The following MECOM variants were observed in gnomAD, a reference collection of about 807,000 sequenced individuals.
MECOM encodes the protein MDS1 and EVI1 complex locus, also known as histone-lysine N-methyltransferase MECOM.
Under a neutral mutation model 116.3 loss-of-function variants are expected in MECOM, and 13 were observed. The ratio of observed to expected loss-of-function variants is 0.11; its 90% CI spans 0.07 to 0.18. The LOEUF is 0.18. Among genes scored for constraint, MECOM ranks in the 10% least tolerant of loss-of-function variants. The pLI is 1.00. For synonymous variants in MECOM, 528 were observed against 535.2 expected (o/e 0.99, Z 0.19); for missense variants, 1,299 against 1,509.0 (o/e 0.86, Z 2.31).
intron 9 of MECOM, among the ~76,000 whole-genome samples, chr3:169,109,815 T>A (rs1189351552): frequency 6.6e-6 from 1 of 152,218 alleles, no homozygotes; most frequent in Admixed American, 6.5e-5. Flanking sequence ...ATATTTTTAT[T>A]TACTGAGGTG....
chr3:169,649,895 G>A (rs1252775763), intron 1 of MECOM, among the ~76,000 whole-genome samples: 1 of 152,206 alleles, frequency 6.6e-6, no homozygotes, highest in Admixed American at 6.5e-5. Context: ...TTTGCAATCT[G>A]ATATAATCCA....
At position 169,084,122 on chromosome 3, in the gene MECOM, G is replaced by C. The variant is rs1338399729; in HGVS notation, c.*787C>G. On this transcript the variant is annotated 3_prime_UTR_variant, in exon 17 of 17. Coordinates refer to ENST00000651503, the MANE Select transcript of MECOM (RefSeq NM_004991.4). ...ATAGTTTGCCAACAAATAAATACAT[G>C]ATACACGCAACACACACAAAAAAAT... The C allele has an allele frequency of 8.6e-6, 2 of 231,646 alleles. No individual in the cohort carries two copies. The highest frequency in any genetic ancestry group is 4.4e-5 in the African/African-American group (2 of 45,364). The allele number at this position is 231,646 out of a possible 1,614,324, so 14.3% of individuals were successfully genotyped here.
In MECOM at chr3:169,281,410, A is replaced by G. The variant is rs571427191; in HGVS notation, c.375+99777T>C. Among the ~76,000 whole-genome samples, 43 of 152,340 alleles carry G rather than the reference A, an allele frequency of 2.8e-4. No homozygotes were observed. The South Asian group carries it at 8.9e-3, about 32-fold the overall frequency. ...TGAGACTGTGATAAATTGTGTGAAA[A>G]TGCTTTGTGAACTCTAAAGCATGAT... On this transcript the variant is annotated intron_variant, in intron 2 of 16. Coordinates refer to ENST00000651503, the MANE Select transcript of MECOM (RefSeq NM_004991.4).
At chr3:169,426,526 T>C (rs1485040058) in intron 1 of MECOM, among the ~76,000 whole-genome samples, 1 of 152,212 alleles carries the variant, frequency 6.6e-6, no homozygotes, top group African/African-American at 2.4e-5. Context: ...GGTGAATTAA[T>C]GTTTGCCTTC....
rs1490174560 is a variant in MECOM, at chr3:169,116,368, T to C, written c.1504A>G (p.Arg502Gly). ...PGLFPSGLYH[R>G]PPLIPASSPV... Reference sequence around the variant, plus strand: ...GAACTAGCAGGTATCAAAGGAGGCCTGTGGTACAAGCCGGAAGGAAACAGA... The same window carrying C: ...GAACTAGCAGGTATCAAAGGAGGCCCGTGGTACAAGCCGGAAGGAAACAGA... The change falls in exon 8 of 17, where the codon AGG becomes GGG. Residue 502 changes from arginine to glycine, a missense_variant. Coordinates refer to ENST00000651503, the MANE Select transcript of MECOM (RefSeq NM_004991.4). 1.9e-6 allele frequency: 3 copies of C among 1,614,184 alleles called. No homozygotes were observed. In the South Asian group the frequency reaches 3.3e-5, roughly 18 times the overall value.
At chr3:169,534,780 A>C (rs1188093596) in intron 1 of MECOM, among the ~76,000 whole-genome samples, 4 of 152,134 alleles carry the variant, frequency 2.6e-5, no homozygotes, top group Admixed American at 2.6e-4. Context: ...AGAGGAGGAA[A>C]CTGAGGAACA....
intron 1 of MECOM, among the ~76,000 whole-genome samples, chr3:169,565,413 C>T (rs967951055): frequency 6.6e-6 from 1 of 152,170 alleles, no homozygotes; most frequent in East Asian, 1.9e-4. Flanking sequence ...TCCACTGCCC[C>T]CTCCTCACTC....
At chr3:169,143,650 G>A (rs1229033287) in intron 3 of MECOM, 48 bp downstream of exon 3, 2 of 1,477,810 alleles carry the variant, frequency 1.4e-6, no homozygotes, top group Non-Finnish European at 1.8e-6. Flanking sequence ...AGGCTCCAGT[G>A]ATACTTTTGT....
At chr3:169,191,770 GAAAGAAAGAA>G (rs1559973988) in intron 2 of MECOM, among the ~76,000 whole-genome samples, 1 of 136,520 alleles carries the variant, frequency 7.3e-6, no homozygotes, top group South Asian at 2.4e-4. Flanking sequence ...AAGAAAGAAA[GAAAGAAAGAA>G]AGAAAGAAAG....
chr3:169,228,169 T>C (rs1443340203), intron 2 of MECOM, among the ~76,000 whole-genome samples: 1 of 152,178 alleles, frequency 6.6e-6, no homozygotes, highest in Non-Finnish European at 1.5e-5. Context: ...TCCTCTACTG[T>C]AGTCTGTGCC....
intron 1 of MECOM, among the ~76,000 whole-genome samples, chr3:169,573,771 C>A (rs1764189251): frequency 6.6e-6 from 1 of 152,014 alleles, no homozygotes; most frequent in African/African-American, 2.4e-5. Context: ...TCCTAGGTAC[C>A]AGTTTTTCCT....
intron 2 of MECOM, among the ~76,000 whole-genome samples, chr3:169,168,593 T>C (rs559569137): frequency 1.3e-5 from 2 of 152,250 alleles, no homozygotes; most frequent in South Asian, 2.1e-4. Context: ...AAAAGTTCTA[T>C]ATGACTCTAC....
In MECOM at chr3:169,375,787, C is replaced by T. The variant is rs143832910; in HGVS notation, c.375+5400G>A. ...TCGTACCATTACTTACAAAATTATT[C>T]CAAACAATGGAAAAAGTGGAACTCC... On this transcript the variant is annotated intron_variant, in intron 2 of 16. Transcript: ENST00000651503. Among the ~76,000 whole-genome samples, 275 of 152,184 alleles carry T rather than the reference C, an allele frequency of 1.8e-3. 4 individuals are homozygous for T. The East Asian group carries it at 0.047, about 26-fold the overall frequency.
At chr3:169,283,261 G>C (rs1017751616) in intron 2 of MECOM, among the ~76,000 whole-genome samples, 2 of 152,078 alleles carry the variant, frequency 1.3e-5, no homozygotes, top group African/African-American at 2.4e-5. Context: ...CCAGCATTTT[G>C]GGAGGCCAAG....
intron 1 of MECOM, among the ~76,000 whole-genome samples, chr3:169,547,871 G>T (rs1447793512): frequency 6.6e-6 from 1 of 152,012 alleles, no homozygotes. Context: ...AATGCCAAGG[G>T]TTGCCAGCAG....
chr3:169,472,907 T>G, intron 1 of MECOM: 1 of 911,926 alleles, frequency 1.1e-6, no homozygotes, highest in Non-Finnish European at 1.3e-6. Flanking sequence ...ATATGTCACA[T>G]GTTCTAAAAA....
intron 1 of MECOM, among the ~76,000 whole-genome samples, chr3:169,437,074 C>A (rs1266104460): frequency 1.3e-5 from 2 of 151,964 alleles, no homozygotes; most frequent in African/African-American, 2.4e-5. Flanking sequence ...TTTTATGAAC[C>A]AATTAGAGTT....
At chr3:169,186,310 A>T (rs1376399742) in intron 2 of MECOM, among the ~76,000 whole-genome samples, 1 of 123,302 alleles carries the variant, frequency 8.1e-6, no homozygotes, top group Admixed American at 8.0e-5. Flanking sequence ...GAAAGATGGA[A>T]AGGAAGGAAG....
chr3:169,347,271 GTTAA>G (rs966977331), intron 2 of MECOM, among the ~76,000 whole-genome samples: 32 of 151,956 alleles, frequency 2.1e-4, no homozygotes, highest in Admixed American at 8.5e-4. Flanking sequence ...GGTATGTTTA[GTTAA>G]TTAAATAAAT....
Sources: gnomAD v4.1 joint callset for allele counts (sites outside exome capture counted in the v4.1 genomes callset) on GRCh38, gnomAD v4.1.1 for gene constraint, MANE v1.5 for transcripts, NCBI Gene and HGNC (gene_info 2026-07-23, HGNC 2026-07-21) for gene names.